The following TSPOAP1 variants were observed in gnomAD, a reference collection of about 807,000 sequenced individuals.
The protein encoded by TSPOAP1 is TSPO associated protein 1, also known as peripheral-type benzodiazepine receptor-associated protein 1.
In TSPOAP1, 87 loss-of-function variants were observed where a neutral mutation model predicts 197.0. The observed-to-expected ratio is 0.44, with a 90% CI of 0.37 to 0.53. The LOEUF (loss-of-function observed/expected upper bound fraction) is 0.53, where lower values mean the gene tolerates loss of function less well. Among genes scored for constraint, TSPOAP1 ranks in the 20% least tolerant of loss-of-function variants. The probability of loss-of-function intolerance (pLI) is 0.00; values close to 1 mark genes in which losing one functional copy is unlikely to be tolerated. For synonymous variants in TSPOAP1, 913 were observed against 998.9 expected, an observed-to-expected ratio of 0.91 and a Z score of 1.62; for missense variants, 2,174 against 2,411.3, an observed-to-expected ratio of 0.90 and a Z score of 2.06.
At position 58,307,598 on chromosome 17, in the gene TSPOAP1, G is replaced by C; in HGVS notation, c.4983+13C>G. Reference sequence around the variant, plus strand: ...GTGTTTGGAATTCTGAGCCCTGATGGCGAATCAGTCACCTTCAGGATCTGA... The same window carrying C: ...GTGTTTGGAATTCTGAGCCCTGATGCCGAATCAGTCACCTTCAGGATCTGA... On this transcript the variant is annotated intron_variant, in intron 24 of 31. Coordinates refer to ENST00000343736, the MANE Select transcript of TSPOAP1 (RefSeq NM_004758.4). The C allele has an allele frequency of 3.1e-6, 5 of 1,612,418 alleles. No homozygotes were observed. The highest frequency in any genetic ancestry group is 4.2e-6 in the Non-Finnish European group (5 of 1,179,186).
intron 12 of TSPOAP1, 101 bp from the exon 13 acceptor site, chr17:58,319,395 C>T: frequency 1.5e-6 from 2 of 1,301,308 alleles, no homozygotes; most frequent in Non-Finnish European, 2.1e-6. Context: ...AGGTCATATC[C>T]ATCCACCCAG....
rs1244459091 is a variant in TSPOAP1, at chr17:58,308,940, G to T, written c.4332C>A (p.Gly1444=). The change falls in exon 22 of 32, where the codon GGC becomes GGA. Residue 1444 remains glycine, a synonymous_variant. Transcript: ENST00000343736. Reference sequence around the variant, plus strand: ...GGAGGCCACCCCTCTCCCGTGTGGGGCCCAGTCGTCCAGAGGCCTGGGGCC... The same window carrying T: ...GGAGGCCACCCCTCTCCCGTGTGGGTCCCAGTCGTCCAGAGGCCTGGGGCC... ...NNGPQASGRL[G]PTRERGGLPV... is the part of the protein sequence containing the mutation. The T allele has an allele frequency of 1.2e-6, 2 of 1,602,490 alleles. No individual in the cohort carries two copies. Among genetic ancestry groups the T allele is most frequent in the South Asian group, 2.2e-5 (2 of 90,044 alleles).
Position 58,322,899 on chromosome 17 carries a change from G to A in TSPOAP1, c.1194+51C>T, listed in dbSNP as rs765964293. 62 of 1,602,270 alleles carry A rather than the reference G, an allele frequency of 3.9e-5. 1 individual carries two copies. The South Asian group carries it at 5.2e-4, about 14-fold the overall frequency. ...GGAGAAAGCCCCTTGGCTGGGGACCGGGGCAGTGGTGGGAGCACAGGTCTC... is the reference window on the plus strand; with the variant it reads ...GGAGAAAGCCCCTTGGCTGGGGACCAGGGCAGTGGTGGGAGCACAGGTCTC... On this transcript the variant is annotated intron_variant, in intron 8 of 31. Transcript: ENST00000343736. This position sits in a 1 kb window ranked among gnomAD's most constrained non-coding sequence, Gnocchi z 5.0.
Position 58,305,534 on chromosome 17 carries a change from C to G in TSPOAP1, c.5361+6G>C. On this transcript the variant is annotated splice_donor_region_variant and intron_variant, in intron 28 of 31. Coordinates refer to ENST00000343736, the MANE Select transcript of TSPOAP1 (RefSeq NM_004758.4). The stretch of plus-strand genomic sequence containing the variant: ...CCTTTGCTGGGCTCTATCTGAGGGT[C>G]CTCACCTCCACGTCCATATTGGGGG... 6.2e-7 allele frequency: 1 copy of G among 1,609,124 alleles called. No individual in the cohort carries two copies. Among genetic ancestry groups the G allele is most frequent in the South Asian group, 1.1e-5 (1 of 90,702 alleles).
chr17:58,320,905 T>G (rs1971386576), intron 10 of TSPOAP1, among the ~76,000 whole-genome samples: 1 of 152,050 alleles, frequency 6.6e-6, no homozygotes, highest in South Asian at 2.1e-4. Flanking sequence ...TCTCAGCCTC[T>G]TTTGCCTGCT....
chr17:58,322,042 C>CCCTGATGACCTCTAAAGTGGCT lies in TSPOAP1; in HGVS notation c.1422+244_1422+265dup, dbSNP rs1971418701. 1 of 457,518 alleles carries CCCTGATGACCTCTAAAGTGGCT rather than the reference C, an allele frequency of 2.2e-6. No homozygotes were observed. 28.3% of individuals were successfully genotyped at this position (457,518 alleles called of 1,614,324 possible). On this transcript the variant is annotated intron_variant, in intron 10 of 31. Transcript: ENST00000343736. The surrounding 1 kb of genome is among the most constrained non-coding windows in gnomAD (Gnocchi z 5.0). The stretch of plus-strand genomic sequence containing the variant: ...ATTGTCACCTCCTCAGGGAGGCCTT[C>CCCTGATGACCTCTAAAGTGGCT]CCTGATGACCTCTAAAGTGGCTCCT...
intron 22 of TSPOAP1, among the ~76,000 whole-genome samples, chr17:58,308,196 C>T (rs534232676): frequency 1.2e-4 from 18 of 152,300 alleles, no homozygotes; most frequent in African/African-American, 3.6e-4. Flanking sequence ...CTGAGGAGCC[C>T]GCGAGAGGAG....
rs557358633 is a variant in TSPOAP1 at position 58,305,819 on chromosome 17, G to A, written c.5257+14C>T. 6.2e-7 allele frequency: 1 copy of A among 1,612,864 alleles called. No homozygotes were observed. Among genetic ancestry groups the A allele is most frequent in the South Asian group, 1.1e-5 (1 of 91,030 alleles). ...TCCTTCCCCAGCCTCCCGGGCCCAG[G>A]GATATTCCTTCACCTGGACAGGGCT... On this transcript the variant is annotated intron_variant, in intron 27 of 31. Coordinates refer to ENST00000343736, the MANE Select transcript of TSPOAP1 (RefSeq NM_004758.4).
At chr17:58,318,807 C>T (rs1971316399) in intron 13 of TSPOAP1, among the ~76,000 whole-genome samples, 1 of 152,188 alleles carries the variant, frequency 6.6e-6, no homozygotes, top group Non-Finnish European at 1.5e-5. Flanking sequence ...CACAAGGCCA[C>T]ACTGCCTGCT....
Position 58,312,344 on chromosome 17 carries a change from C to A in TSPOAP1, c.2477G>T (p.Cys826Phe). 1 of 1,612,458 alleles carries A rather than the reference C, an allele frequency of 6.2e-7. No homozygotes were observed. The highest frequency in any genetic ancestry group is 1.7e-5 in the Admixed American group (1 of 59,950). ...EQVELHGFHI[C>F]VNGELRQALG... ...GGCCTGTCGCAGCTCCCCATTCACA[C>A]AGATATGGAAGCCGTGTAGCTCCAC... Residue 826 changes from cysteine (C) to phenylalanine (F), a missense_variant, in exon 17 of 32, where the codon TGT becomes TTT. Transcript: ENST00000343736.
intron 24 of TSPOAP1, 63 bp downstream of exon 24, chr17:58,307,548 G>T (rs1452608583): frequency 1.1e-5 from 17 of 1,568,360 alleles, no homozygotes; most frequent in Non-Finnish European, 8.7e-7. Context: ...GTGGAGGAAA[G>T]GAGGGAGGAG....
chr17:58,323,434 G>T (rs1971460833), intron 6 of TSPOAP1, 34 bp downstream of exon 6: 6 of 1,614,228 alleles, frequency 3.7e-6, no homozygotes, highest in Non-Finnish European at 4.2e-6. Context: ...TCTGCCCACA[G>T]CAGGCTGCCT....
At position 58,302,363 on chromosome 17, in the gene TSPOAP1, G is replaced by A. The variant is rs558960357; in HGVS notation, c.*117C>T. 377 of 1,289,182 alleles carry A rather than the reference G, an allele frequency of 2.9e-4. 3 individuals are homozygous for A. The South Asian group carries it at 4.3e-3, about 15-fold the overall frequency. The allele number at this position is 1,289,182 out of a possible 1,614,324, so 79.9% of individuals were successfully genotyped here. On this transcript the variant is annotated 3_prime_UTR_variant, in exon 32 of 32. Transcript: ENST00000343736. Reference sequence around the variant, plus strand: ...TCGCTTCTGCCCTGGGGCTCCCCACGTTCAATCCTGGGGGCGCTGCCAGAG... The same window carrying A: ...TCGCTTCTGCCCTGGGGCTCCCCACATTCAATCCTGGGGGCGCTGCCAGAG...
At position 58,307,632 on chromosome 17, in the gene TSPOAP1, G is replaced by A. The variant is rs759968321; in HGVS notation, c.4962C>T (p.Phe1654=). 1.2e-6 allele frequency: 2 copies of A among 1,614,002 alleles called. No individual in the cohort carries two copies. Among genetic ancestry groups the A allele is most frequent in the South Asian group, 1.1e-5 (1 of 91,070 alleles). The change falls in exon 24 of 32, where the codon TTC becomes TTT. Residue 1654 remains phenylalanine, a synonymous_variant. Coordinates refer to ENST00000343736, the MANE Select transcript of TSPOAP1 (RefSeq NM_004758.4). ...NPDAGEEELP[F]REGQILKVFG... is the part of the protein sequence containing the mutation. The stretch of plus-strand genomic sequence containing the variant: ...TCACCTTCAGGATCTGACCCTCTCG[G>A]AAGGGAAGCTCTTCTTCTCCAGCAT...
At position 58,304,677 on chromosome 17, in the gene TSPOAP1, C is replaced by A; in HGVS notation, c.5545-278G>T. 1.7e-6 allele frequency: 1 copy of A among 573,046 alleles called. No homozygotes were observed. The highest frequency in any genetic ancestry group is 3.1e-6 in the Non-Finnish European group (1 of 319,776). The allele number at this position is 573,046 out of a possible 1,614,324, so 35.5% of individuals were successfully genotyped here. Reference sequence around the variant, plus strand: ...TGGGCCTGGCTGGGCAACTGGCTTCCAAAGGCACCTGGGAGGTATGGAGAC... The same window carrying A: ...TGGGCCTGGCTGGGCAACTGGCTTCAAAAGGCACCTGGGAGGTATGGAGAC... On this transcript the variant is annotated intron_variant, in intron 30 of 31. Transcript: ENST00000343736. This position sits in a 1 kb window ranked among gnomAD's most constrained non-coding sequence, Gnocchi z 4.2.
chr17:58,325,023 C>G lies in TSPOAP1; in HGVS notation c.751-21G>C, dbSNP rs377452994. ...CCCTCCTGAGGTTGGGGGACAGGGA[C>G]AGGGAGGGGACTCAGGCCTAATCCT... On this transcript the variant is annotated intron_variant, in intron 4 of 31. Coordinates refer to ENST00000343736, the MANE Select transcript of TSPOAP1 (RefSeq NM_004758.4). 2.1e-5 allele frequency: 31 copies of G among 1,506,564 alleles called. No homozygotes were observed. In the African/African-American group the frequency reaches 3.9e-4, roughly 19 times the overall value. 93.3% of individuals were successfully genotyped at this position (1,506,564 alleles called of 1,614,324 possible).
chr17:58,317,231 AAG>A (rs1414100463), intron 14 of TSPOAP1, among the ~76,000 whole-genome samples: 1 of 152,092 alleles, frequency 6.6e-6, no homozygotes, highest in Non-Finnish European at 1.5e-5. Flanking sequence ...ACAAAGAAAA[AAG>A]AAACCCCTCA....
chr17:58,317,349 C>T (rs1971270342), intron 14 of TSPOAP1, among the ~76,000 whole-genome samples: 1 of 152,160 alleles, frequency 6.6e-6, no homozygotes, highest in Non-Finnish European at 1.5e-5. Flanking sequence ...GTCTGCTGTT[C>T]AGCTCTGGAA....
At position 58,304,348 on chromosome 17, in the gene TSPOAP1, C is replaced by T. The variant is rs756315956; in HGVS notation, c.*22G>A. 6.2e-7 allele frequency: 1 copy of T among 1,613,720 alleles called. No individual in the cohort carries two copies. On this transcript the variant is annotated 3_prime_UTR_variant, in exon 31 of 32. Coordinates refer to ENST00000343736, the MANE Select transcript of TSPOAP1 (RefSeq NM_004758.4). This position sits in a 1 kb window ranked among gnomAD's most constrained non-coding sequence, Gnocchi z 4.2. Reference sequence around the variant, plus strand: ...CAGTCCCCCACTTACATGTTGCTCTCTCTACATATATCTATCTCCATCTAG... The same window carrying T: ...CAGTCCCCCACTTACATGTTGCTCTTTCTACATATATCTATCTCCATCTAG...
Sources: allele counts gnomAD v4.1 joint callset (sites outside exome capture counted in the v4.1 genomes callset), GRCh38; gene constraint gnomAD v4.1.1; non-coding constraint Gnocchi (gnomAD v3.1); transcripts MANE v1.5; gene names NCBI Gene and HGNC (gene_info 2026-07-23, HGNC 2026-07-21).